The following TSPOAP1 variants were observed in gnomAD, a reference collection of about 807,000 sequenced individuals.
TSPOAP1 encodes TSPO associated protein 1.
In TSPOAP1, 87 loss-of-function variants were observed where a neutral mutation model predicts 197.0. The observed-to-expected ratio is 0.44, with a 90% CI of 0.37 to 0.53. The LOEUF (loss-of-function observed/expected upper bound fraction) is 0.53, where lower values mean the gene tolerates loss of function less well. TSPOAP1 is among the 20% of genes least tolerant of loss of function. TSPOAP1 has a pLI of 0.00. For missense variants in TSPOAP1, 2,174 were observed against 2,411.3 expected, an observed-to-expected ratio of 0.90 and a Z score of 2.06; for synonymous variants, 913 against 998.9, an observed-to-expected ratio of 0.91 and a Z score of 1.62.
In TSPOAP1 at chr17:58,326,887, G is replaced by C. The variant is rs1234783360; in HGVS notation, c.334-97C>G. On this transcript the variant is annotated intron_variant, in intron 1 of 31. Coordinates refer to ENST00000343736, the MANE Select transcript of TSPOAP1 (RefSeq NM_004758.4). The surrounding 1 kb of genome is among the most constrained non-coding windows in gnomAD (Gnocchi z 4.7). Reference sequence around the variant, plus strand: ...GCATCCACCATCCATGGTCCAAGGAGACATGGAGATGAAACGGTTTCCCCT... The same window carrying C: ...GCATCCACCATCCATGGTCCAAGGACACATGGAGATGAAACGGTTTCCCCT... 9.6e-7 allele frequency: 1 copy of C among 1,036,448 alleles called. No individual in the cohort carries two copies. The highest frequency in any genetic ancestry group is 1.5e-6 in the Non-Finnish European group (1 of 672,022). The allele number at this position is 1,036,448 out of a possible 1,614,324, so 64.2% of individuals were successfully genotyped here.
intron 29 of TSPOAP1, 87 bp downstream of exon 29, chr17:58,305,300 C>A: frequency 6.5e-7 from 1 of 1,543,210 alleles, no homozygotes; most frequent in Non-Finnish European, 9.0e-7. Context: ...TCCATTCCTC[C>A]GGACTTCCTG....
Position 58,304,388 on chromosome 17 carries a change from C to T in TSPOAP1, c.5556G>A (p.Arg1852=), listed in dbSNP as rs1214258326. Residue 1852 remains arginine, a synonymous_variant, in exon 31 of 32, where the codon AGG becomes AGA. Coordinates refer to ENST00000343736, the MANE Select transcript of TSPOAP1 (RefSeq NM_004758.4). This position sits in a 1 kb window ranked among gnomAD's most constrained non-coding sequence, Gnocchi z 4.2. ...TPQAESQRTR[R]RRVQC ...TCTCCATCTAGCACTGGACTCTTCT[C>T]CTCCTCGTTCTCTGAGGACAGGGAA... The T allele has an allele frequency of 1.2e-6, 2 of 1,611,850 alleles. No homozygotes were observed. Among genetic ancestry groups the T allele is most frequent in the South Asian group, 1.1e-5 (1 of 90,862 alleles).
chr17:58,322,859 C>G lies in TSPOAP1; in HGVS notation c.1195-83G>C, dbSNP rs1971444404. 3.1e-6 allele frequency: 5 copies of G among 1,604,552 alleles called. No homozygotes were observed. Among genetic ancestry groups the G allele is most frequent in the Non-Finnish European group, 4.3e-6 (5 of 1,174,146 alleles). On this transcript the variant is annotated intron_variant, in intron 8 of 31. Transcript: ENST00000343736. The surrounding 1 kb of genome is among the most constrained non-coding windows in gnomAD (Gnocchi z 5.0). ...TCACAGGGGGAACAGTACCCTACCC[C>G]TGCTCAGGGGTGGAGGAGAAAGCCC...
chr17:58,308,901 G>A lies in TSPOAP1; in HGVS notation c.4371C>T (p.Gly1457=). The A allele has an allele frequency of 6.3e-7, 1 of 1,597,500 alleles. No individual in the cohort carries two copies. Among genetic ancestry groups the A allele is most frequent in the South Asian group, 1.1e-5 (1 of 89,362 alleles). ...CGCTAGCCTCTAGTCCAGTCCTGGG[G>A]CCCTCAATTACGGGGAGGCCACCCC... ...RERGGLPVIE[G]PRTGLEASGR... The change falls in exon 22 of 32, where the codon GGC becomes GGT. Residue 1457 remains glycine, a synonymous_variant. Transcript: ENST00000343736.
rs758125676 is a variant in TSPOAP1 at position 58,310,770 on chromosome 17, A to C, written c.3460-19T>G. 9 of 1,604,844 alleles carry C rather than the reference A, an allele frequency of 5.6e-6. No individual in the cohort carries two copies. The highest frequency in any genetic ancestry group is 4.5e-5 in the East Asian group (2 of 44,690). Reference sequence around the variant, plus strand: ...CCTCCTCCTGGAACAGAGAGCACTGAGGAAGGACCCAAGCCCAGGTCCCTC... The same window carrying C: ...CCTCCTCCTGGAACAGAGAGCACTGCGGAAGGACCCAAGCCCAGGTCCCTC... On this transcript the variant is annotated intron_variant, in intron 19 of 31. Coordinates refer to ENST00000343736, the MANE Select transcript of TSPOAP1 (RefSeq NM_004758.4).
In TSPOAP1 at chr17:58,311,567, A is replaced by G; in HGVS notation, c.3081+4T>C. On this transcript the variant is annotated splice_donor_region_variant and intron_variant, in intron 18 of 31. Transcript: ENST00000343736. The stretch of plus-strand genomic sequence containing the variant: ...CTCCCAGGGTACAGTGGGCAGGGCT[A>G]TACCTTCTGCCCATCAGCGTAGATG... 1.3e-6 allele frequency: 2 copies of G among 1,569,648 alleles called. No homozygotes were observed. The highest frequency in any genetic ancestry group is 1.7e-6 in the Non-Finnish European group (2 of 1,153,342).
In TSPOAP1 at chr17:58,322,881, G is replaced by A; in HGVS notation, c.1194+69C>T. On this transcript the variant is annotated intron_variant, in intron 8 of 31. Transcript: ENST00000343736. This position sits in a 1 kb window ranked among gnomAD's most constrained non-coding sequence, Gnocchi z 5.0. ...CCCCTGCTCAGGGGTGGAGGAGAAA[G>A]CCCCTTGGCTGGGGACCGGGGCAGT... The A allele has an allele frequency of 4.4e-6, 7 of 1,603,074 alleles. No individual in the cohort carries two copies. Among genetic ancestry groups the A allele is most frequent in the Non-Finnish European group, 6.0e-6 (7 of 1,173,470 alleles).
intron 12 of TSPOAP1, among the ~76,000 whole-genome samples, chr17:58,319,776 G>C (rs2285993): frequency 6.6e-6 from 1 of 152,242 alleles, no homozygotes; most frequent in East Asian, 1.9e-4. Context: ...GCCAATGCCC[G>C]GGAAGTTTTC....
Position 58,311,609 on chromosome 17 carries a change from G to A in TSPOAP1, c.3043C>T (p.Arg1015Trp), listed in dbSNP as rs375143610. The change falls in exon 18 of 32, where the codon CGG (arginine) becomes TGG (tryptophan). Residue 1015 changes from arginine to tryptophan, a missense_variant. Physicochemically the swap from Arg to Trp is moderately radical, Grantham distance 101. Around this residue, in one of 5 missense-constraint regions of TSPOAP1, gnomAD observed 1,933 missense variants for 2,139.0 expected, o/e 0.90. Transcript: ENST00000343736. ...GCGTAGATGGCATAGCCTGTGACCCGGACACCGTTGGATGTGCCAGCAGCA... is the reference window on the plus strand; with the variant it reads ...GCGTAGATGGCATAGCCTGTGACCCAGACACCGTTGGATGTGCCAGCAGCA... Reference protein sequence around the residue: ...IDAAGTSNGVRVTGYAIYADG... With the variant: ...IDAAGTSNGVWVTGYAIYADG... 6.8e-6 allele frequency: 11 copies of A among 1,606,550 alleles called. No homozygotes were observed. The highest frequency in any genetic ancestry group is 5.0e-5 in the Admixed American group (3 of 59,470).
Position 58,312,285 on chromosome 17 carries a change from C to T in TSPOAP1, c.2536G>A (p.Glu846Lys), listed in dbSNP as rs1462092316. Residue 846 changes from glutamate to lysine, a missense_variant, in exon 17 of 32, where the codon GAG becomes AAG. This residue lies in a region of TSPOAP1 where 1,933 missense variants were observed against 2,139.0 expected (regional missense o/e 0.90). Transcript: ENST00000343736. ...GGCCCGGCCCACAGGTCCAGGTTCT[C>T]CAGCACGGCCTTGGGTGGCGCCCCA... ...GPGAPPKAVL[E>K]NLDLWAGPLH... 6.2e-7 allele frequency: 1 copy of T among 1,612,690 alleles called. No individual in the cohort carries two copies. The highest frequency in any genetic ancestry group is 8.5e-7 in the Non-Finnish European group (1 of 1,179,820).
In TSPOAP1 at chr17:58,328,316, T is replaced by C. The variant is rs1415488531; in HGVS notation, c.-396A>G. The C allele has an allele frequency of 8.0e-6, 2 of 248,454 alleles. No individual in the cohort carries two copies. Among genetic ancestry groups the C allele is most frequent in the Non-Finnish European group, 1.6e-5 (2 of 124,204 alleles). 15.4% of individuals were successfully genotyped at this position (248,454 alleles called of 1,614,324 possible). On this transcript the variant is annotated 5_prime_UTR_variant, in exon 1 of 32. Coordinates refer to ENST00000343736, the MANE Select transcript of TSPOAP1 (RefSeq NM_004758.4). This position sits in a 1 kb window ranked among gnomAD's most constrained non-coding sequence, Gnocchi z 4.3. ...GTGTTGGGAAGATGGGTGCCCCCAC[T>C]TCTGTGTGTTGAGGGGGGTGGTGCT...
chr17:58,314,888 G>A (rs1364201956), intron 16 of TSPOAP1, among the ~76,000 whole-genome samples: 1 of 152,242 alleles, frequency 6.6e-6, no homozygotes, highest in Non-Finnish European at 1.5e-5. Context: ...CATAGACGAA[G>A]CAGTCCTTTA....
rs974040862 is a variant in TSPOAP1 at position 58,304,298 on chromosome 17, G to A, written c.*32+40C>T. On this transcript the variant is annotated intron_variant, in intron 31 of 31. Transcript: ENST00000343736. This position sits in a 1 kb window ranked among gnomAD's most constrained non-coding sequence, Gnocchi z 4.2. ...GAGCACTGTCTGATTATGGTCAAGT[G>A]GGGGTGGACGGTCACACAGGGGGGC... is the stretch of plus-strand genomic sequence containing the variant. 9 of 1,543,374 alleles carry A rather than the reference G, an allele frequency of 5.8e-6. No homozygotes were observed. In the African/African-American group the frequency reaches 9.5e-5, roughly 16 times the overall value.
chr17:58,305,097 C>T lies in TSPOAP1; in HGVS notation c.5508G>A (p.Leu1836=). 2 of 1,614,016 alleles carry T rather than the reference C, an allele frequency of 1.2e-6. No individual in the cohort carries two copies. Among genetic ancestry groups the T allele is most frequent in the East Asian group, 2.2e-5 (1 of 44,884 alleles). Reference sequence around the variant, plus strand: ...CCTGGGGTGTCCTGGGTTCCCTGTCCAGGCCGCCTGCCTCAGGCCCAGGGC... The same window carrying T: ...CCTGGGGTGTCCTGGGTTCCCTGTCTAGGCCGCCTGCCTCAGGCCCAGGGC... ...LEGPGPEAGG[L]DREPRTPQAE... is the part of the protein sequence containing the mutation. Residue 1836 remains leucine (L), a synonymous_variant, in exon 30 of 32, where the codon CTG becomes CTA. Transcript: ENST00000343736.
chr17:58,322,870 T>C lies in TSPOAP1; in HGVS notation c.1194+80A>G. 6.2e-7 allele frequency: 1 copy of C among 1,602,080 alleles called. No homozygotes were observed. On this transcript the variant is annotated intron_variant, in intron 8 of 31. Coordinates refer to ENST00000343736, the MANE Select transcript of TSPOAP1 (RefSeq NM_004758.4). The surrounding 1 kb of genome is among the most constrained non-coding windows in gnomAD (Gnocchi z 5.0). ...ACAGTACCCTACCCCTGCTCAGGGGTGGAGGAGAAAGCCCCTTGGCTGGGG... is the reference window on the plus strand; with the variant it reads ...ACAGTACCCTACCCCTGCTCAGGGGCGGAGGAGAAAGCCCCTTGGCTGGGG...
At position 58,325,425 on chromosome 17, in the gene TSPOAP1, C is replaced by T. The variant is rs932297336; in HGVS notation, c.750+109G>A. 3.0e-5 allele frequency: 43 copies of T among 1,437,984 alleles called. 1 individual carries two copies. The Admixed American group carries it at 8.6e-4, about 29-fold the overall frequency. The allele number at this position is 1,437,984 out of a possible 1,614,324, so 89.1% of individuals were successfully genotyped here. Reference sequence around the variant, plus strand: ...CAGGGGAACCTACTCCCAGCAACCTCCACCCTCCCTTTCATTTGCGTCTCA... The same window carrying T: ...CAGGGGAACCTACTCCCAGCAACCTTCACCCTCCCTTTCATTTGCGTCTCA... On this transcript the variant is annotated intron_variant, in intron 4 of 31. Coordinates refer to ENST00000343736, the MANE Select transcript of TSPOAP1 (RefSeq NM_004758.4).
In TSPOAP1 at chr17:58,302,800, C is replaced by T. The variant is rs1970755214; in HGVS notation, c.*33-353G>A. On this transcript the variant is annotated intron_variant, in intron 31 of 31. Transcript: ENST00000343736. ...CCCTCAGGATGGGTGCCCCCAACTT[C>T]TCACATGTCACCTCCCTCCAAAAAC... The T allele has an allele frequency of 1.9e-5, 3 of 158,984 alleles. No individual in the cohort carries two copies. The South Asian group carries it at 5.0e-4, about 27-fold the overall frequency. The allele number at this position is 158,984 out of a possible 1,614,324, so 9.8% of individuals were successfully genotyped here. A position where few individuals can be genotyped will look rare whatever the true frequency, so the allele number is the denominator to read the frequency against.
At chr17:58,305,267 C>T (rs1456204479) in intron 29 of TSPOAP1, 96 bp from the exon 30 acceptor site, 2 of 1,491,364 alleles carry the variant, frequency 1.3e-6, no homozygotes, top group African/African-American at 2.8e-5. Flanking sequence ...GGGCCAAAAC[C>T]ACTGTCCAGG....
chr17:58,313,344 G>A (rs1330436930), intron 16 of TSPOAP1, among the ~76,000 whole-genome samples: 2 of 152,148 alleles, frequency 1.3e-5, no homozygotes, highest in East Asian at 3.8e-4. Flanking sequence ...CAGGCATGGT[G>A]GCTTATGCCT....
Sources: gnomAD v4.1 joint callset for allele counts (sites outside exome capture counted in the v4.1 genomes callset) on GRCh38, gnomAD v4.1.1 for gene constraint, gnomAD v4.1.1 regional missense constraint, Gnocchi (gnomAD v3.1) non-coding constraint, MANE v1.5 for transcripts, NCBI Gene and HGNC (gene_info 2026-07-23, HGNC 2026-07-21) for gene names.